ZMIZ1: variants seen among roughly 807,000 people sequenced by gnomAD.
ZMIZ1 encodes zinc finger MIZ-type containing 1, also known as zinc finger MIZ domain-containing protein 1.
ZMIZ1 carries 17 observed loss-of-function variants against 113.9 expected under a neutral mutation model. The ratio of observed to expected loss-of-function variants is 0.15; its 90% CI spans 0.10 to 0.22. ZMIZ1 has a LOEUF of 0.22. Ranked by LOEUF, ZMIZ1 falls within the 10% of genes least tolerant of loss-of-function variation. ZMIZ1 has a pLI of 1.00. For synonymous variants in ZMIZ1, 607 were observed against 603.1 expected, an observed-to-expected ratio of 1.01 and a Z score of -0.09; for missense variants, 1,059 against 1,477.8, an observed-to-expected ratio of 0.72 and a Z score of 4.65.
chr10:79,209,657 C>T (rs1448296648), intron 6 of ZMIZ1, among the ~76,000 whole-genome samples: 1 of 152,200 alleles, frequency 6.6e-6, no homozygotes, highest in East Asian at 1.9e-4. Flanking sequence ...GAAGAAATAG[C>T]GGCAACACGG....
At chr10:79,268,627 C>T (rs1851746583) in intron 7 of ZMIZ1, among the ~76,000 whole-genome samples, 1 of 152,252 alleles carries the variant, frequency 6.6e-6, no homozygotes, top group South Asian at 2.1e-4. Flanking sequence ...GCCCCCAAAT[C>T]CGATCGTGGC....
At chr10:79,125,316 C>G (rs1053516300) in intron 2 of ZMIZ1, among the ~76,000 whole-genome samples, 3 of 152,202 alleles carry the variant, frequency 2.0e-5, no homozygotes, top group African/African-American at 7.2e-5. Context: ...GGCTCAGAGA[C>G]CAGCCCGGGG....
At chr10:79,082,456 G>A (rs1842689542) in intron 1 of ZMIZ1, among the ~76,000 whole-genome samples, 2 of 152,206 alleles carry the variant, frequency 1.3e-5, no homozygotes. Flanking sequence ...GCAGCCTGGT[G>A]TGATCCCTTC....
chr10:79,132,549 G>T (rs2132378797), intron 2 of ZMIZ1, among the ~76,000 whole-genome samples: 1 of 152,316 alleles, frequency 6.6e-6, no homozygotes, highest in East Asian at 1.9e-4. Flanking sequence ...GCCCGTAAAA[G>T]TATACTACAT....
chr10:79,084,742 T>C (rs1842756790), intron 1 of ZMIZ1, among the ~76,000 whole-genome samples: 1 of 152,086 alleles, frequency 6.6e-6, no homozygotes, highest in East Asian at 1.9e-4. Flanking sequence ...TCCAAGAACA[T>C]AGCTGCCTGA....
At chr10:79,218,685 G>A (rs4254015) in intron 7 of ZMIZ1, among the ~76,000 whole-genome samples, 3,476 of 152,140 alleles carry the variant, frequency 0.023, 71 homozygotes, top group African/African-American at 0.049. Flanking sequence ...GCAAGGGGGT[G>A]TTGTTGAGGG....
At chr10:79,122,005 T>C (rs909020478) in intron 2 of ZMIZ1, among the ~76,000 whole-genome samples, 1 of 151,604 alleles carries the variant, frequency 6.6e-6, no homozygotes, top group African/African-American at 2.4e-5. Flanking sequence ...GCAGAGCCCT[T>C]TGTTCATGAA....
At chr10:79,308,125 G>A (rs1854856614) in intron 23 of ZMIZ1, among the ~76,000 whole-genome samples, 1 of 152,232 alleles carries the variant, frequency 6.6e-6, no homozygotes, top group Admixed American at 6.5e-5. Flanking sequence ...GGTGTCCTGT[G>A]TTGTCCACAG....
Position 79,091,669 on chromosome 10 carries a change from C to T in ZMIZ1, c.-337+22399C>T, listed in dbSNP as rs1252043747. 2.6e-5 allele frequency among the ~76,000 whole-genome samples: 4 copies of T among 152,276 alleles called. No homozygotes were observed. In the East Asian group the frequency reaches 7.7e-4, roughly 29 times the overall value. ...AAGGCAAGGAGCGGGAGGAAAGGTA[C>T]TTCTGGGCGGTGGAACCGGCATGAC... On this transcript the variant is annotated intron_variant, in intron 1 of 24. Transcript: ENST00000334512.
intron 1 of ZMIZ1, among the ~76,000 whole-genome samples, chr10:79,113,680 T>C (rs539238890): frequency 5.9e-4 from 90 of 152,324 alleles, no homozygotes; most frequent in African/African-American, 2.0e-3. Context: ...TCCAACTCGT[T>C]GTCTGTGTGA....
At chr10:79,307,636 A>T in intron 23 of ZMIZ1, 65 bp downstream of exon 23, 1 of 1,545,370 alleles carries the variant, frequency 6.5e-7, no homozygotes, top group Non-Finnish European at 8.8e-7. Context: ...TGGGATCTGG[A>T]TACCCTGTTC....
rs564894131 is a variant in ZMIZ1 at position 79,166,248 on chromosome 10, C to T, written c.-50+4115C>T. ...CTCCTTACCAGGCCTCCCAGCAGCA[C>T]GGCTGCACCATGCCACTGTGTCACT... On this transcript the variant is annotated intron_variant, in intron 4 of 24. Coordinates refer to ENST00000334512, the MANE Select transcript of ZMIZ1 (RefSeq NM_020338.4). 4.7e-4 allele frequency among the ~76,000 whole-genome samples: 72 copies of T among 152,346 alleles called. 1 individual carries two copies. Among genetic ancestry groups the T allele is most frequent in the African/African-American group, 1.7e-3 (69 of 41,590 alleles).
intron 6 of ZMIZ1, among the ~76,000 whole-genome samples, chr10:79,209,348 G>C (rs1008915725): frequency 6.6e-6 from 1 of 152,224 alleles, no homozygotes; most frequent in Non-Finnish European, 1.5e-5. Flanking sequence ...TGGTATGATC[G>C]GCCAGGCTAA....
At chr10:79,114,040 C>T (rs1006987242) in intron 1 of ZMIZ1, among the ~76,000 whole-genome samples, 15 of 152,130 alleles carry the variant, frequency 9.9e-5, no homozygotes, top group African/African-American at 3.4e-4. Flanking sequence ...ACTTGCCTGC[C>T]GGACTCCTAC....
chr10:79,240,774 C>T (rs1360220533), intron 7 of ZMIZ1, among the ~76,000 whole-genome samples: 1 of 147,624 alleles, frequency 6.8e-6, no homozygotes, highest in Non-Finnish European at 1.5e-5. Flanking sequence ...CCTGGGAGAA[C>T]AGGGAGATGG....
At chr10:79,281,282 G>A (rs1017390261) in intron 8 of ZMIZ1, among the ~76,000 whole-genome samples, 6 of 152,194 alleles carry the variant, frequency 3.9e-5, no homozygotes, top group Non-Finnish European at 5.9e-5. Context: ...CTGGGGCCAC[G>A]TTGGAATCTG....
intron 4 of ZMIZ1, among the ~76,000 whole-genome samples, chr10:79,190,105 C>G (rs573529771): frequency 6.6e-6 from 1 of 152,346 alleles, no homozygotes; most frequent in Admixed American, 6.5e-5. Flanking sequence ...CCCAGGGCCT[C>G]TGCAGGGAGA....
chr10:79,290,126 A>G (rs1285095525), intron 9 of ZMIZ1, among the ~76,000 whole-genome samples: 1 of 152,226 alleles, frequency 6.6e-6, no homozygotes, highest in Non-Finnish European at 1.5e-5. Flanking sequence ...AATGGCATTC[A>G]TCTGACAGAC....
chr10:79,091,695 C>T (rs1352441165), intron 1 of ZMIZ1, among the ~76,000 whole-genome samples: 2 of 152,136 alleles, frequency 1.3e-5, no homozygotes, highest in African/African-American at 4.8e-5. Context: ...CCGGCATGAC[C>T]AAAGGAAGGG....
Sources: gnomAD v4.1 joint callset for allele counts (sites outside exome capture counted in the v4.1 genomes callset) on GRCh38, gnomAD v4.1.1 for gene constraint, MANE v1.5 for transcripts, NCBI Gene and HGNC (gene_info 2026-07-23, HGNC 2026-07-21) for gene names.